Variants in UGT3A2 observed in about 807,000 individuals in gnomAD.
UGT3A2 encodes the protein UDP glycosyltransferase family 3 member A2.
UGT3A2 carries 32 observed loss-of-function variants against 39.8 expected under a neutral mutation model. The observed-to-expected ratio is 0.80, with a 90% CI of 0.61 to 1.08. UGT3A2 has a LOEUF of 1.08. UGT3A2 is among the 50% of genes least tolerant of loss of function. The pLI is 0.00. For missense variants in UGT3A2, 611 were observed against 637.1 expected (o/e 0.96, Z 0.44); for synonymous variants, 241 against 230.7 (o/e 1.04, Z -0.40).
chr5:36,041,645 T>G (rs768833283), intron 4 of UGT3A2, among the ~76,000 whole-genome samples: 1 of 152,154 alleles, frequency 6.6e-6, no homozygotes, highest in Non-Finnish European at 1.5e-5. Flanking sequence ...ACCAAGGTGG[T>G]ACTTCTACAA....
intron 2 of UGT3A2, among the ~76,000 whole-genome samples, chr5:36,060,305 TACCAC>T (rs1742649552): frequency 6.6e-6 from 1 of 152,234 alleles, no homozygotes; most frequent in Admixed American, 6.5e-5. Flanking sequence ...CAACTCAGTA[TACCAC>T]TGGAGGCTAT....
At chr5:36,038,508 G>A (rs972513093) in intron 5 of UGT3A2, among the ~76,000 whole-genome samples, 15 of 152,222 alleles carry the variant, frequency 9.9e-5, no homozygotes, top group Admixed American at 8.5e-4. Flanking sequence ...TGTATTGACC[G>A]TATGGTGTCC....
At chr5:36,042,182 C>T (rs1053526386) in intron 4 of UGT3A2, among the ~76,000 whole-genome samples, 4 of 151,808 alleles carry the variant, frequency 2.6e-5, no homozygotes, top group Non-Finnish European at 2.9e-5. Flanking sequence ...AAGTGAGCTT[C>T]GACAATATAA....
intron 2 of UGT3A2, among the ~76,000 whole-genome samples, chr5:36,060,802 C>G (rs887597873): frequency 7.9e-5 from 12 of 152,112 alleles, no homozygotes; most frequent in African/African-American, 2.9e-4. Context: ...TGAAAAACTT[C>G]TGAAAATTTC....
At chr5:36,062,681 C>T (rs981480541) in intron 2 of UGT3A2, among the ~76,000 whole-genome samples, 1 of 152,210 alleles carries the variant, frequency 6.6e-6, no homozygotes, top group Non-Finnish European at 1.5e-5. Flanking sequence ...TAGTGTGATG[C>T]CTCCAGCTTT....
chr5:36,059,298 T>C (rs1288738709), intron 2 of UGT3A2, among the ~76,000 whole-genome samples: 1 of 151,492 alleles, frequency 6.6e-6, no homozygotes, highest in Non-Finnish European at 1.5e-5. Flanking sequence ...GCCCTAGAGG[T>C]CCAAAGAATG....
intron 2 of UGT3A2, among the ~76,000 whole-genome samples, chr5:36,052,755 T>A (rs1181169215): frequency 6.6e-6 from 1 of 151,988 alleles, no homozygotes; most frequent in African/African-American, 2.4e-5. Flanking sequence ...GAAAAAAAAA[T>A]ACCTCACCCT....
intron 4 of UGT3A2, among the ~76,000 whole-genome samples, chr5:36,041,376 C>A (rs541662575): frequency 6.6e-6 from 1 of 152,164 alleles, no homozygotes; most frequent in South Asian, 2.1e-4. Context: ...AGCTCTTGAG[C>A]CTTGAATAAA....
At position 36,047,295 on chromosome 5, in the gene UGT3A2, T is replaced by C. The variant is rs1344117313; in HGVS notation, c.843+1594A>G. On this transcript the variant is annotated intron_variant, in intron 4 of 6. Transcript: ENST00000282507. ...TTGGGCACATGTCATCAGGACCTCC[T>C]GAAGCTGTCATGGGTGCATCCTCAA... Among the ~76,000 whole-genome samples, 3 of 152,244 alleles carry C rather than the reference T, an allele frequency of 2.0e-5. No homozygotes were observed. In the East Asian group the frequency reaches 5.8e-4, roughly 29 times the overall value.
rs1051659284 is a variant in UGT3A2, at chr5:36,035,789, C to G, written c.1481G>C (p.Gly494Ala). 66 of 1,613,996 alleles carry G rather than the reference C, an allele frequency of 4.1e-5. No homozygotes were observed. The highest frequency in any genetic ancestry group is 6.7e-5 in the African/African-American group (5 of 74,902). ...YLLDVFVFLL[G>A]LTLGTLWLCG... ...AAGCCATAGAGTCCCCAGAGTGAGC[C>G]CCAGCAGAAACACAAAAACGTCGAG... Residue 494 changes from glycine to alanine, a missense_variant, in exon 7 of 7, where the codon GGG becomes GCG. Coordinates refer to ENST00000282507, the MANE Select transcript of UGT3A2 (RefSeq NM_174914.4).
intron 1 of UGT3A2, among the ~76,000 whole-genome samples, chr5:36,065,673 G>C (rs765083986): frequency 1.3e-5 from 2 of 152,152 alleles, no homozygotes; most frequent in African/African-American, 2.4e-5. Context: ...CTTCAGAGTG[G>C]AAGTTGTGGT....
In UGT3A2 at chr5:36,044,865, TC is replaced by T. The variant is rs370048499; in HGVS notation, c.843+4023del. Among the ~76,000 whole-genome samples, 709 of 152,304 alleles carry T rather than the reference TC, an allele frequency of 4.7e-3. 5 individuals are homozygous for T. The highest frequency in any genetic ancestry group is 0.016 in the African/African-American group (681 of 41,576). ...TAAAAACTGGAAAGCTATTCCACGT[TC>T]ATGCACTGGAAGAATCAATATTGTT... is the stretch of plus-strand genomic sequence containing the variant. On this transcript the variant is annotated intron_variant, in intron 4 of 6. Transcript: ENST00000282507.
chr5:36,044,419 C>T (rs1449560600), intron 4 of UGT3A2, among the ~76,000 whole-genome samples: 2 of 151,920 alleles, frequency 1.3e-5, no homozygotes, highest in Non-Finnish European at 2.9e-5. Flanking sequence ...ACTCCTCTAA[C>T]ATGACAAGGA....
At chr5:36,053,053 T>TC (rs1280509903) in intron 2 of UGT3A2, among the ~76,000 whole-genome samples, 8 of 152,214 alleles carry the variant, frequency 5.3e-5, no homozygotes, top group African/African-American at 1.9e-4. Flanking sequence ...ATAGTATACT[T>TC]CAACAGCCCT....
intron 6 of UGT3A2, among the ~76,000 whole-genome samples, chr5:36,037,008 T>C (rs1336871300): frequency 6.6e-6 from 1 of 152,222 alleles, no homozygotes; most frequent in Non-Finnish European, 1.5e-5. Flanking sequence ...GCAGATCCTG[T>C]GCTAGGTGCT....
intron 4 of UGT3A2, among the ~76,000 whole-genome samples, chr5:36,044,543 C>T (rs921312411): frequency 1.3e-5 from 2 of 152,088 alleles, no homozygotes; most frequent in African/African-American, 4.8e-5. Flanking sequence ...TTAAATTATG[C>T]TAGTTTGCAA....
chr5:36,040,348 G>T (rs759697102), intron 4 of UGT3A2, among the ~76,000 whole-genome samples: 16 of 152,020 alleles, frequency 1.1e-4, no homozygotes, highest in Non-Finnish European at 1.8e-4. Context: ...AAGTGATTTT[G>T]CCCCCCGAAG....
chr5:36,048,943 G>A lies in UGT3A2; in HGVS notation c.789C>T (p.Pro263=), dbSNP rs1453789554. ...TCAAGCCTCCAACATAAACAGTGTT[G>A]GGAAGCAGAGGTCGAGCAAAATCAA... The part of the protein sequence containing the change: ...FAFDFARPLL[P]NTVYVGGLME... Residue 263 remains proline, a synonymous_variant, in exon 4 of 7, where the codon CCC becomes CCT. Coordinates refer to ENST00000282507, the MANE Select transcript of UGT3A2 (RefSeq NM_174914.4). The A allele has an allele frequency of 4.3e-6, 7 of 1,614,022 alleles. No individual in the cohort carries two copies. The highest frequency in any genetic ancestry group is 5.9e-6 in the Non-Finnish European group (7 of 1,180,036).
intron 2 of UGT3A2, among the ~76,000 whole-genome samples, chr5:36,060,561 C>T (rs1039550985): frequency 1.4e-4 from 21 of 152,204 alleles, no homozygotes; most frequent in African/African-American, 4.1e-4. Flanking sequence ...GGAAGCTCAG[C>T]GGCTGCCTTT....
Sources: gnomAD v4.1 joint callset for allele counts (sites outside exome capture counted in the v4.1 genomes callset) on GRCh38, gnomAD v4.1.1 for gene constraint, MANE v1.5 for transcripts, NCBI Gene and HGNC (gene_info 2026-07-23, HGNC 2026-07-21) for gene names.